Variants in GRK7 observed in about 807,000 individuals in gnomAD.
GRK7 encodes rhodopsin kinase GRK7.
GRK7 carries 24 observed loss-of-function variants against 34.1 expected under a neutral mutation model. That is an observed-to-expected ratio of 0.70 (90% CI 0.51 to 0.99). The LOEUF is 0.99. GRK7 is among the 50% of genes least tolerant of loss of function. The pLI, the probability that GRK7 is intolerant of heterozygous loss-of-function variation, is 0.00. For missense variants in GRK7, 644 were observed against 707.3 expected (o/e 0.91, Z 1.02); for synonymous variants, 256 against 279.4 (o/e 0.92, Z 0.84).
At chr3:141,806,471 G>C (rs992770306) in intron 4 of GRK7, among the ~76,000 whole-genome samples, 1 of 152,102 alleles carries the variant, frequency 6.6e-6, no homozygotes, top group African/African-American at 2.4e-5. Context: ...GCTGAGGCAG[G>C]AGAACGGCTT....
rs766484380 is a variant in GRK7 at position 141,780,776 on chromosome 3, G to A, written c.1015G>A (p.Val339Met). Residue 339 changes from valine (V) to methionine (M), a missense_variant, in exon 4 of 6, where the codon GTG becomes ATG. Transcript: ENST00000682958. ...NCRLSDLGLAVEMKGGKPITQ... is the reference protein window; with the variant it reads ...NCRLSDLGLAMEMKGGKPITQ... ...CAGGTTATCTGACCTGGGGCTGGCC[G>A]TGGAGATGAAGGGTGGCAAGCCCAT... 1.5e-5 allele frequency: 25 copies of A among 1,613,930 alleles called. No homozygotes were observed. In the African/African-American group the frequency reaches 1.7e-4, roughly 11 times the overall value.
intron 4 of GRK7, among the ~76,000 whole-genome samples, chr3:141,798,307 TAA>T (rs779007396): frequency 3.9e-5 from 6 of 152,224 alleles, no homozygotes; most frequent in African/African-American, 4.8e-5. Flanking sequence ...CCAGGCGTGC[TAA>T]ACCCCGTGAG....
intron 5 of GRK7, among the ~76,000 whole-genome samples, chr3:141,811,813 A>C (rs1231471223): frequency 6.6e-6 from 1 of 152,214 alleles, no homozygotes; most frequent in South Asian, 2.1e-4. Flanking sequence ...ATTTGAAATG[A>C]ATTAAAGACC....
the GRK7 span, among the ~76,000 whole-genome samples, chr3:141,755,364 A>G: frequency 1.3e-5 from 2 of 152,180 alleles, no homozygotes; most frequent in Non-Finnish European, 2.9e-5. Flanking sequence ...GAATGAATGA[A>G]TGAATCTAAT....
At chr3:141,779,823 T>C (rs953601293) in intron 3 of GRK7, among the ~76,000 whole-genome samples, 2 of 152,240 alleles carry the variant, frequency 1.3e-5, no homozygotes, top group East Asian at 1.9e-4. Flanking sequence ...TTGGGGTTCA[T>C]TCACACTGTA....
intron 4 of GRK7, among the ~76,000 whole-genome samples, chr3:141,789,670 A>AAAAAAAAAAAAAAAAC (rs71153913): frequency 6.8e-6 from 1 of 146,952 alleles, no homozygotes; most frequent in African/African-American, 2.5e-5. Context: ...AAAAAAAAAA[A>AAAAAAAAAAAAAAAAC]CACAAAACAG....
rs150515093 is a variant in GRK7, at chr3:141,792,529, C to A, written c.1050+11718C>A. 1.9e-3 allele frequency among the ~76,000 whole-genome samples: 286 copies of A among 151,848 alleles called. 2 individuals carry two copies. Among genetic ancestry groups the A allele is most frequent in the East Asian group, 6.0e-3 (31 of 5,166 alleles). On this transcript the variant is annotated intron_variant, in intron 4 of 5. Coordinates refer to ENST00000682958, the MANE Select transcript of GRK7 (RefSeq NM_139209.3). ...AGGATTTGACTTAATATGTGAAAAT[C>A]AAAAAGTAAACCACATGGGAAATTC...
At chr3:141,800,822 T>C (rs933089466) in intron 4 of GRK7, among the ~76,000 whole-genome samples, 21 of 152,328 alleles carry the variant, frequency 1.4e-4, no homozygotes, top group Admixed American at 1.2e-3. Flanking sequence ...GGGAACTTTC[T>C]GGACAGACAG....
rs60765509 is a variant in GRK7 at position 141,789,656 on chromosome 3, CAA to C, written c.1050+8858_1050+8859del. On this transcript the variant is annotated intron_variant, in intron 4 of 5. Coordinates refer to ENST00000682958, the MANE Select transcript of GRK7 (RefSeq NM_139209.3). Reference sequence around the variant, plus strand: ...AGATGGGGACTGGATGCCAAATGGGCAAAAAAAAAAAAAACACAAAACAGTGG... The same window carrying C: ...AGATGGGGACTGGATGCCAAATGGGCAAAAAAAAAAAACACAAAACAGTGG... Among the ~76,000 whole-genome samples the C allele has an allele frequency of 1.4e-3, 172 of 119,226 alleles. 7 individuals carry two copies. The highest frequency in any genetic ancestry group is 4.3e-3 in the African/African-American group (123 of 28,718). The allele number at this position is 119,226 out of a possible 152,430, so 78.2% of individuals were successfully genotyped here.
In GRK7 at chr3:141,778,362, C is replaced by A; in HGVS notation, c.78C>A (p.Asp26Glu). The A allele has an allele frequency of 1.2e-6, 2 of 1,610,608 alleles. No individual in the cohort carries two copies. Among genetic ancestry groups the A allele is most frequent in the Non-Finnish European group, 1.7e-6 (2 of 1,177,872 alleles). ...YLQARKPSDC[D>E]SKELQRRRRS... is the part of the protein sequence containing the mutation. ...AGGCCCGGAAGCCCTCGGACTGCGA[C>A]AGCAAAGAGCTGCAGCGGCGGCGGC... is the stretch of plus-strand genomic sequence containing the variant. The change falls in exon 3 of 6, where the codon GAC becomes GAA. Residue 26 changes from aspartate to glutamate, a missense_variant. Asp to Glu is a conservative substitution (Grantham distance 45). Coordinates refer to ENST00000682958, the MANE Select transcript of GRK7 (RefSeq NM_139209.3). This position sits in a 1 kb window ranked among gnomAD's most constrained non-coding sequence, Gnocchi z 4.1.
In GRK7 at chr3:141,797,888, C is replaced by T. The variant is rs77398751; in HGVS notation, c.1051-9757C>T. Among the ~76,000 whole-genome samples the T allele has an allele frequency of 1.3e-5, 2 of 152,118 alleles. 1 individual carries two copies. Among genetic ancestry groups the T allele is most frequent in the South Asian group, 4.1e-4 (2 of 4,832 alleles). On this transcript the variant is annotated intron_variant, in intron 4 of 5. Coordinates refer to ENST00000682958, the MANE Select transcript of GRK7 (RefSeq NM_139209.3). The stretch of plus-strand genomic sequence containing the variant: ...CGTGTCCTTGACCTTGAAGGACCTG[C>T]GCACACTCATACTTTTTCATGGACT...
chr3:141,798,133 T>A (rs892647826), intron 4 of GRK7, among the ~76,000 whole-genome samples: 1 of 152,144 alleles, frequency 6.6e-6, no homozygotes, highest in Non-Finnish European at 1.5e-5. Context: ...GTAGGGGGTA[T>A]CTGGACGGGC....
At chr3:141,783,811 G>C (rs72982440) in intron 4 of GRK7, among the ~76,000 whole-genome samples, 9,366 of 152,158 alleles carry the variant, frequency 0.062, 955 homozygotes, top group African/African-American at 0.21. Context: ...AGAGAATGTG[G>C]GGAGGAGCTG....
intron 4 of GRK7, among the ~76,000 whole-genome samples, chr3:141,788,378 C>T (rs1329312486): frequency 2.0e-5 from 3 of 152,198 alleles, no homozygotes; most frequent in Admixed American, 1.3e-4. Flanking sequence ...CTGTAATAAT[C>T]TGCATATGAG....
chr3:141,795,354 G>C (rs1439525321), intron 4 of GRK7, among the ~76,000 whole-genome samples: 1 of 152,104 alleles, frequency 6.6e-6, no homozygotes, highest in African/African-American at 2.4e-5. Flanking sequence ...ACAATGAATA[G>C]CACAGCCCCC....
Position 141,795,366 on chromosome 3 carries a change from A to G in GRK7, c.1051-12279A>G, listed in dbSNP as rs561078540. Among the ~76,000 whole-genome samples the G allele has an allele frequency of 1.4e-4, 21 of 152,334 alleles. 1 individual carries two copies. The East Asian group carries it at 3.9e-3, about 28-fold the overall frequency. ...CTTACAATGAATAGCACAGCCCCCAACACAAAGCATATTCAGCCCACAACA... is the reference window on the plus strand; with the variant it reads ...CTTACAATGAATAGCACAGCCCCCAGCACAAAGCATATTCAGCCCACAACA... On this transcript the variant is annotated intron_variant, in intron 4 of 5. Transcript: ENST00000682958.
intron 4 of GRK7, among the ~76,000 whole-genome samples, chr3:141,802,817 G>A (rs962911913): frequency 1.1e-4 from 16 of 152,276 alleles, no homozygotes; most frequent in Middle Eastern, 3.4e-3. Flanking sequence ...GGACTGGGCA[G>A]CTGCATCCCC....
chr3:141,784,751 C>T (rs2084687695), intron 4 of GRK7, among the ~76,000 whole-genome samples: 1 of 152,102 alleles, frequency 6.6e-6, no homozygotes, highest in Non-Finnish European at 1.5e-5. Flanking sequence ...TTGAATGAGT[C>T]CTCAAAATTT....
rs760960407 is a variant in GRK7, at chr3:141,807,842, T to C, written c.1248T>C (p.His416=). 3.1e-6 allele frequency: 5 copies of C among 1,613,902 alleles called. No homozygotes were observed. The Admixed American group carries it at 5.0e-5, about 16-fold the overall frequency. The change falls in exon 5 of 6, where the codon CAT becomes CAC. Residue 416 remains histidine, a synonymous_variant. Coordinates refer to ENST00000682958, the MANE Select transcript of GRK7 (RefSeq NM_139209.3). ...RTLQDEVKFQ[H]DNFTEEAKDI... ...TGCAAGACGAGGTCAAATTCCAGCA[T>C]GATAACTTCACAGAGGAAGCAAAAG... is the stretch of plus-strand genomic sequence containing the variant.
Sources: gnomAD v4.1 joint callset for allele counts (sites outside exome capture counted in the v4.1 genomes callset) on GRCh38, gnomAD v4.1.1 for gene constraint, Gnocchi (gnomAD v3.1) non-coding constraint, MANE v1.5 for transcripts, NCBI Gene and HGNC (gene_info 2026-07-23, HGNC 2026-07-21) for gene names.